ADD2: variants seen among roughly 807,000 people sequenced by gnomAD.
ADD2 encodes adducin 2, also known as beta-adducin.
In ADD2, 23 loss-of-function variants were observed where a neutral mutation model predicts 83.0. The ratio of observed to expected loss-of-function variants is 0.28; its 90% CI spans 0.20 to 0.39. ADD2 has a LOEUF of 0.39. Among genes scored for constraint, ADD2 ranks in the 10% least tolerant of loss-of-function variants. The probability of loss-of-function intolerance (pLI) is 1.00; values close to 1 mark genes in which losing one functional copy is unlikely to be tolerated. For synonymous variants in ADD2, 375 were observed against 375.4 expected (o/e 1.00, Z 0.01); for missense variants, 758 against 944.9 (o/e 0.80, Z 2.59).
intron 1 of ADD2, among the ~76,000 whole-genome samples, chr2:70,735,857 G>GA (rs1553380037): frequency 5.5e-5 from 4 of 72,474 alleles, no homozygotes; most frequent in Non-Finnish European, 9.7e-5. Flanking sequence ...GCCATGCCCG[G>GA]CTTTTTTTTT....
intron 1 of ADD2, among the ~76,000 whole-genome samples, chr2:70,759,585 C>G (rs782544860): frequency 5.9e-5 from 9 of 152,028 alleles, no homozygotes; most frequent in Non-Finnish European, 1.3e-4. Flanking sequence ...AGTTCTCACT[C>G]TTTTCATTCC....
Position 70,673,020 on chromosome 2 carries a change from A to C in ADD2, c.1742-14T>G. On this transcript the variant is annotated splice_polypyrimidine_tract_variant and intron_variant, in intron 14 of 15. Coordinates refer to ENST00000264436, the MANE Select transcript of ADD2 (RefSeq NM_001617.4). The stretch of plus-strand genomic sequence containing the variant: ...TTTCTTTCTCTCCTGAAAAAACAGA[A>C]AAACACCTCAGGATAGAGGTCAAAT... 1.2e-6 allele frequency: 2 copies of C among 1,610,158 alleles called. No homozygotes were observed. Among genetic ancestry groups the C allele is most frequent in the Non-Finnish European group, 1.7e-6 (2 of 1,179,110 alleles).
intron 1 of ADD2, among the ~76,000 whole-genome samples, chr2:70,749,874 C>A (rs1553382640): frequency 2.0e-5 from 3 of 152,184 alleles, no homozygotes; most frequent in African/African-American, 7.2e-5. Context: ...TCTGGACTTT[C>A]TGGGGAATGG....
intron 1 of ADD2, among the ~76,000 whole-genome samples, chr2:70,727,415 T>C (rs544538345): frequency 2.6e-5 from 4 of 152,188 alleles, no homozygotes; most frequent in African/African-American, 7.2e-5. Flanking sequence ...CTCCCTCTCC[T>C]GGGCTCCAGT....
chr2:70,762,371 A>T (rs1216700915), intron 1 of ADD2, among the ~76,000 whole-genome samples: 8 of 151,708 alleles, frequency 5.3e-5, no homozygotes, highest in Non-Finnish European at 1.2e-4. Flanking sequence ...CAGGTCTGGA[A>T]ATATGGAAGA....
intron 6 of ADD2, among the ~76,000 whole-genome samples, chr2:70,694,115 C>T (rs554469643): frequency 6.6e-6 from 1 of 152,344 alleles, no homozygotes; most frequent in South Asian, 2.1e-4. Flanking sequence ...CCTATGTCTA[C>T]ACACAATTCA....
At chr2:70,695,399 C>G (rs1231058033) in intron 6 of ADD2, among the ~76,000 whole-genome samples, 1 of 151,716 alleles carries the variant, frequency 6.6e-6, no homozygotes, top group Non-Finnish European at 1.5e-5. Flanking sequence ...TAATGTATCC[C>G]CCTAACCAGA....
At chr2:70,665,896 A>G (rs1373190253) in intron 15 of ADD2, among the ~76,000 whole-genome samples, 2 of 151,164 alleles carry the variant, frequency 1.3e-5, no homozygotes, top group Non-Finnish European at 2.9e-5. Context: ...GCTCACTGCA[A>G]TCTCCACCTC....
intron 2 of ADD2, among the ~76,000 whole-genome samples, chr2:70,712,504 CT>C (rs562164898): frequency 2.5e-4 from 37 of 148,662 alleles, no homozygotes; most frequent in African/African-American, 4.9e-4. Context: ...GATTAACAAA[CT>C]TGCTCAAGGT....
intron 8 of ADD2, 99 bp downstream of exon 8, chr2:70,690,687 C>G: frequency 2.2e-6 from 3 of 1,380,048 alleles, no homozygotes; most frequent in Non-Finnish European, 2.9e-6. Flanking sequence ...TTTCCCCCCT[C>G]TCTCCCTCCC....
intron 1 of ADD2, among the ~76,000 whole-genome samples, chr2:70,749,030 C>T (rs782180242): frequency 4.3e-4 from 65 of 152,232 alleles, no homozygotes; most frequent in Middle Eastern, 3.4e-3. Context: ...GAAGGAATAC[C>T]TGAGACTGGG....
chr2:70,705,964 G>A (rs1293861867), intron 3 of ADD2, among the ~76,000 whole-genome samples: 1 of 152,188 alleles, frequency 6.6e-6, no homozygotes, highest in Non-Finnish European at 1.5e-5. Context: ...AAGGGGCACA[G>A]GAAACTGAGG....
At chr2:70,732,730 C>T (rs1347315142) in intron 1 of ADD2, among the ~76,000 whole-genome samples, 2 of 152,178 alleles carry the variant, frequency 1.3e-5, no homozygotes, top group African/African-American at 2.4e-5. Flanking sequence ...TCCTCTGAAC[C>T]AAGCCCACTG....
rs1671006533 is a variant in ADD2 at position 70,691,055 on chromosome 2, G to A, written c.706-126C>T. 4 of 1,202,630 alleles carry A rather than the reference G, an allele frequency of 3.3e-6. No homozygotes were observed. In the South Asian group the frequency reaches 7.3e-5, roughly 22 times the overall value. The allele number at this position is 1,202,630 out of a possible 1,614,324, so 74.5% of individuals were successfully genotyped here. On this transcript the variant is annotated intron_variant, in intron 7 of 15. Transcript: ENST00000264436. The stretch of plus-strand genomic sequence containing the variant: ...GGTGAGGAGTGAGGGGTGAGGTTGG[G>A]GAGCAGGCACAAGAAAGGCCTGGGC...
intron 9 of ADD2, 124 bp downstream of exon 9, chr2:70,687,900 C>T (rs959971314): frequency 1.6e-5 from 11 of 674,722 alleles, no homozygotes; most frequent in Admixed American, 8.2e-5. Flanking sequence ...AGAAATAGGG[C>T]AAGGCTTTTA....
intron 5 of ADD2, 80 bp from the exon 6 acceptor site, chr2:70,695,881 C>A: frequency 8.0e-7 from 1 of 1,242,606 alleles, no homozygotes; most frequent in Non-Finnish European, 1.2e-6. Context: ...ATCCCCTCTT[C>A]CCCTGAATCT....
In ADD2 at chr2:70,691,079, G is replaced by A. The variant is rs1012256060; in HGVS notation, c.706-150C>T. The A allele has an allele frequency of 2.5e-5, 23 of 918,768 alleles. No individual in the cohort carries two copies. The East Asian group carries it at 5.3e-4, about 21-fold the overall frequency. 56.9% of individuals were successfully genotyped at this position (918,768 alleles called of 1,614,324 possible). ...GGGAGCAGGCACAAGAAAGGCCTGG[G>A]CTCCTCTACCACCTGGCTTGGGCGT... On this transcript the variant is annotated intron_variant, in intron 7 of 15. Coordinates refer to ENST00000264436, the MANE Select transcript of ADD2 (RefSeq NM_001617.4).
At chr2:70,675,614 A>G in intron 13 of ADD2, 3 of 985,426 alleles carry the variant, frequency 3.0e-6, no homozygotes, top group Non-Finnish European at 3.6e-6. Context: ...GCCTTTGAGG[A>G]TGCAGTGCTC....
rs1675559095 is a variant in ADD2 at position 70,662,126 on chromosome 2, GT to G, written c.*1298del. 1 of 152,212 alleles carries G rather than the reference GT, an allele frequency of 6.6e-6. No individual in the cohort carries two copies. Among genetic ancestry groups the G allele is most frequent in the South Asian group, 2.1e-4 (1 of 4,828 alleles). 9.4% of individuals were successfully genotyped at this position (152,212 alleles called of 1,614,324 possible). A position where few individuals can be genotyped will look rare whatever the true frequency, so the allele number is the denominator to read the frequency against. On this transcript the variant is annotated 3_prime_UTR_variant, in exon 16 of 16. Transcript: ENST00000264436. Reference sequence around the variant, plus strand: ...AGGAAAAATATTCTTTCAAGACACGGTGCTTTCAAGAGAATGGATTGTCTAA... The same window carrying G: ...AGGAAAAATATTCTTTCAAGACACGGGCTTTCAAGAGAATGGATTGTCTAA...
Sources: gnomAD v4.1 joint callset for allele counts (sites outside exome capture counted in the v4.1 genomes callset) on GRCh38, gnomAD v4.1.1 for gene constraint, MANE v1.5 for transcripts, NCBI Gene and HGNC (gene_info 2026-07-23, HGNC 2026-07-21) for gene names.